Variants in HIVEP3 observed in about 807,000 individuals in gnomAD.
HIVEP3 encodes the protein transcription factor HIVEP3.
HIVEP3 carries 49 observed loss-of-function variants against 152.8 expected under a neutral mutation model. That is an observed-to-expected ratio of 0.32 (90% CI 0.26 to 0.41). HIVEP3 has a LOEUF of 0.41. Among genes scored for constraint, HIVEP3 ranks in the 10% least tolerant of loss-of-function variants. HIVEP3 has a pLI of 1.00. For synonymous variants in HIVEP3, 1,269 were observed against 1,289.0 expected, an observed-to-expected ratio of 0.98 and a Z score of 0.33; for missense variants, 2,790 against 3,103.3, an observed-to-expected ratio of 0.90 and a Z score of 2.40.
intron 1 of HIVEP3, among the ~76,000 whole-genome samples, chr1:41,807,087 G>C (rs1650673507): frequency 6.6e-6 from 1 of 152,158 alleles, no homozygotes; most frequent in Non-Finnish European, 1.5e-5. Context: ...GCTCTGATGT[G>C]GGAGGGATAT....
chr1:42,025,490 GA>G (rs1391303204), intron 1 of HIVEP3, among the ~76,000 whole-genome samples: 1 of 152,132 alleles, frequency 6.6e-6, no homozygotes, highest in African/African-American at 2.4e-5. Context: ...AATACATAAA[GA>G]ATTTGTGAGT....
intron 1 of HIVEP3, among the ~76,000 whole-genome samples, chr1:41,715,699 G>A (rs1313667915): frequency 1.3e-5 from 2 of 152,236 alleles, no homozygotes; most frequent in Non-Finnish European, 2.9e-5. Context: ...GTGACCTCAA[G>A]CCAGGCCCTC....
At chr1:41,728,110 T>G (rs1482893480) in intron 1 of HIVEP3, among the ~76,000 whole-genome samples, 1 of 152,178 alleles carries the variant, frequency 6.6e-6, no homozygotes, top group Non-Finnish European at 1.5e-5. Context: ...AACAAAGGGC[T>G]GAATAAGGGC....
At chr1:41,515,436 G>C (rs372445579) in intron 7 of HIVEP3, among the ~76,000 whole-genome samples, 17 of 152,314 alleles carry the variant, frequency 1.1e-4, no homozygotes, top group African/African-American at 2.6e-4. Flanking sequence ...ATTAGGATGA[G>C]AGCAGGGCTG....
rs774684311 is a variant in HIVEP3 at position 41,582,860 on chromosome 1, G to A, written c.1938C>T (p.Asn646=). ...TTTTCTTGTACCGAGCACCACATATGTTACATTCGTAGATCACCCCTTTTG... is the reference window on the plus strand; with the variant it reads ...TTTTCTTGTACCGAGCACCACATATATTACATTCGTAGATCACCCCTTTTG... The part of the protein sequence containing the change: ...LKTKGVIYEC[N]ICGARYKKRD... The change falls in exon 4 of 9, where the codon AAC becomes AAT. Residue 646 remains asparagine (N), a synonymous_variant. Transcript: ENST00000372583. This position sits in a 1 kb window ranked among gnomAD's most constrained non-coding sequence, Gnocchi z 4.7. The A allele has an allele frequency of 2.7e-5, 43 of 1,614,038 alleles. No homozygotes were observed. Among genetic ancestry groups the A allele is most frequent in the Non-Finnish European group, 3.6e-5 (42 of 1,180,040 alleles).
At position 41,941,675 on chromosome 1, in the gene HIVEP3, C is replaced by G. The variant is rs74647386; in HGVS notation, n.120-23151G>C. 2.6e-4 allele frequency among the ~76,000 whole-genome samples: 40 copies of G among 152,234 alleles called. No homozygotes were observed. The East Asian group carries it at 7.5e-3, about 29-fold the overall frequency. ...GAAACACAGTAGAAAATACAGAGCA[C>G]CCGGTTATGATCTGGAATTATAAAT... is the stretch of plus-strand genomic sequence containing the variant. On this transcript the variant is annotated intron_variant and non_coding_transcript_variant, in intron 1 of 3. Coordinates refer to the HIVEP3 transcript ENST00000489103.
intron 1 of HIVEP3, among the ~76,000 whole-genome samples, chr1:41,728,651 C>T (rs1031793143): frequency 6.6e-6 from 1 of 152,198 alleles, no homozygotes; most frequent in African/African-American, 2.4e-5. Context: ...ACGGGCATGC[C>T]ACTGGGGATG....
intron 1 of HIVEP3, among the ~76,000 whole-genome samples, chr1:41,910,986 A>T (rs1241099797): frequency 2.6e-5 from 4 of 152,146 alleles, no homozygotes; most frequent in Non-Finnish European, 4.4e-5. Context: ...CAAAATGTTC[A>T]ATGATAAAGG....
At chr1:41,942,494 G>A (rs183879032) in intron 1 of HIVEP3, among the ~76,000 whole-genome samples, 1 of 152,320 alleles carries the variant, frequency 6.6e-6, no homozygotes, top group East Asian at 1.9e-4. Flanking sequence ...AAGAGTCAGA[G>A]ACTTGCATGC....
At chr1:41,959,465 A>T (rs184690652) in intron 1 of HIVEP3, among the ~76,000 whole-genome samples, 2 of 152,234 alleles carry the variant, frequency 1.3e-5, no homozygotes, top group African/African-American at 4.8e-5. Flanking sequence ...GCACAGGAAC[A>T]CATGACCATG....
chr1:41,776,981 C>T (rs2124274880), intron 1 of HIVEP3, among the ~76,000 whole-genome samples: 1 of 152,304 alleles, frequency 6.6e-6, no homozygotes, highest in South Asian at 2.1e-4. Flanking sequence ...CCCAGAGCCA[C>T]AGACATGAGC....
chr1:42,012,521 T>C (rs961155579), intron 1 of HIVEP3, among the ~76,000 whole-genome samples: 1 of 152,140 alleles, frequency 6.6e-6, no homozygotes, highest in Admixed American at 6.5e-5. Flanking sequence ...TGAAACCTCA[T>C]TTCTACTGAA....
At position 41,513,612 on chromosome 1, in the gene HIVEP3, C is replaced by A; in HGVS notation, c.5609G>T (p.Ser1870Ile). 6.2e-7 allele frequency: 1 copy of A among 1,613,904 alleles called. No homozygotes were observed. The highest frequency in any genetic ancestry group is 8.5e-7 in the Non-Finnish European group (1 of 1,179,990). ...GGATGGTCTGGACAGCTCATCCTGG[C>A]TCTCCTCCTCATCCTCATCCTCGTC... is the stretch of plus-strand genomic sequence containing the variant. ...DEDEDEDEEE[S>I]QDELSRPSSE... The change falls in exon 8 of 9, where the codon AGC becomes ATC. Residue 1870 changes from serine (S) to isoleucine (I), a missense_variant. By Grantham distance (142) the Ser-to-Ile change is moderately radical. Transcript: ENST00000372583.
rs139046583 is a variant in HIVEP3 at position 41,981,813 on chromosome 1, A to G, written n.119+53994T>C. On this transcript the variant is annotated intron_variant and non_coding_transcript_variant, in intron 1 of 3. Coordinates refer to the HIVEP3 transcript ENST00000489103. ...TGAAGGAAGAGAAGGGAAAATGTGA[A>G]AGACAATATTCCAGTCTCCACTGAA... Among the ~76,000 whole-genome samples the G allele has an allele frequency of 2.2e-3, 336 of 152,346 alleles. 1 individual carries two copies. The highest frequency in any genetic ancestry group is 7.7e-3 in the African/African-American group (322 of 41,592).
intron 2 of HIVEP3, among the ~76,000 whole-genome samples, chr1:41,699,636 A>G (rs913407499): frequency 2.0e-5 from 3 of 152,160 alleles, no homozygotes; most frequent in African/African-American, 7.2e-5. Flanking sequence ...TGGCAGCCCA[A>G]CGCAGGATGG....
At chr1:41,647,637 C>G (rs1280838077) in intron 2 of HIVEP3, among the ~76,000 whole-genome samples, 1 of 152,242 alleles carries the variant, frequency 6.6e-6, no homozygotes, top group Non-Finnish European at 1.5e-5. Context: ...CTCCTGCAGC[C>G]TGGCTCCAGC....
chr1:41,736,416 G>A (rs749004015), intron 1 of HIVEP3, among the ~76,000 whole-genome samples: 1 of 152,154 alleles, frequency 6.6e-6, no homozygotes, highest in African/African-American at 2.4e-5. Flanking sequence ...TGGGTCCTGG[G>A]GCCCTGACAA....
At chr1:41,663,163 C>G (rs1461047831) in intron 2 of HIVEP3, among the ~76,000 whole-genome samples, 1 of 152,248 alleles carries the variant, frequency 6.6e-6, no homozygotes, top group Non-Finnish European at 1.5e-5. Flanking sequence ...AGGCCAGGAC[C>G]CTGAGATCTC....
intron 1 of HIVEP3, among the ~76,000 whole-genome samples, chr1:41,713,022 T>C (rs1171322799): frequency 6.6e-6 from 1 of 151,678 alleles, no homozygotes; most frequent in Non-Finnish European, 1.5e-5. Flanking sequence ...ACTTCTGAGA[T>C]GTGTGACCTT....
Sources: gnomAD v4.1 joint callset for allele counts (sites outside exome capture counted in the v4.1 genomes callset) on GRCh38, gnomAD v4.1.1 for gene constraint, Gnocchi (gnomAD v3.1) non-coding constraint, MANE v1.5 for transcripts, NCBI Gene and HGNC (gene_info 2026-07-23, HGNC 2026-07-21) for gene names.